Variants in ANKS1B observed in about 807,000 individuals in gnomAD.
ANKS1B encodes ankyrin repeat and sterile alpha motif domain containing 1B.
A neutral mutation model predicts 148.3 loss-of-function variants in ANKS1B; 36 were observed. The ratio of observed to expected loss-of-function variants is 0.24; its 90% CI spans 0.19 to 0.32. The LOEUF is 0.32. Ranked by LOEUF, ANKS1B falls within the 10% of genes least tolerant of loss-of-function variation. ANKS1B has a pLI of 1.00. For missense variants in ANKS1B, 1,157 were observed against 1,542.6 expected (o/e 0.75, Z 4.19); for synonymous variants, 542 against 560.8 (o/e 0.97, Z 0.47).
chr12:99,565,641 T>C (rs991072043), intron 9 of ANKS1B, among the ~76,000 whole-genome samples: 2 of 152,208 alleles, frequency 1.3e-5, no homozygotes, highest in Non-Finnish European at 2.9e-5. Flanking sequence ...CCTTCCTTTT[T>C]CATGAAAGGT....
chr12:99,072,613 A>G (rs766140506), intron 16 of ANKS1B, among the ~76,000 whole-genome samples: 8 of 152,162 alleles, frequency 5.3e-5, no homozygotes, highest in Non-Finnish European at 7.3e-5. Context: ...TCCCCTTAGT[A>G]TCCTTAGGGT....
At chr12:98,791,694 A>G (rs1333730941) in intron 22 of ANKS1B, among the ~76,000 whole-genome samples, 1 of 152,196 alleles carries the variant, frequency 6.6e-6, no homozygotes, top group Non-Finnish European at 1.5e-5. Context: ...AGTAGCTGGG[A>G]GTACAAGTGC....
chr12:99,093,795 C>G (rs2054929662), intron 15 of ANKS1B, among the ~76,000 whole-genome samples: 1 of 152,024 alleles, frequency 6.6e-6, no homozygotes, highest in Admixed American at 6.6e-5. Context: ...GATGGGGTCT[C>G]TTGACACTGA....
At chr12:99,439,971 G>T (rs2095523395) in intron 11 of ANKS1B, among the ~76,000 whole-genome samples, 1 of 151,728 alleles carries the variant, frequency 6.6e-6, no homozygotes, top group South Asian at 2.1e-4. Flanking sequence ...TACCATGAAA[G>T]AAACAACATG....
chr12:99,209,107 A>G (rs2083025881), intron 14 of ANKS1B, among the ~76,000 whole-genome samples: 1 of 152,186 alleles, frequency 6.6e-6, no homozygotes, highest in Non-Finnish European at 1.5e-5. Flanking sequence ...ATGACTCTGT[A>G]GGTACTGTGG....
At chr12:99,528,828 A>G (rs886372708) in intron 9 of ANKS1B, among the ~76,000 whole-genome samples, 1 of 152,198 alleles carries the variant, frequency 6.6e-6, no homozygotes, top group African/African-American at 2.4e-5. Flanking sequence ...GTATGCACTC[A>G]AATTATATAT....
At chr12:99,581,351 C>A (rs561450108) in intron 9 of ANKS1B, among the ~76,000 whole-genome samples, 48 of 151,918 alleles carry the variant, frequency 3.2e-4, no homozygotes, top group Admixed American at 7.2e-4. Context: ...ATTTGGATAT[C>A]CAAATACAAA....
At chr12:99,082,992 A>G (rs1599632822) in intron 16 of ANKS1B, among the ~76,000 whole-genome samples, 1 of 152,286 alleles carries the variant, frequency 6.6e-6, no homozygotes, top group East Asian at 1.9e-4. Flanking sequence ...AACATACACA[A>G]GCAGAGAGGT....
chr12:99,385,297 C>T (rs12579159), intron 12 of ANKS1B, among the ~76,000 whole-genome samples: 6,740 of 152,106 alleles, frequency 0.044, 419 homozygotes, highest in African/African-American at 0.13. Flanking sequence ...GGCAAAACCC[C>T]ATCTCTACTA....
At chr12:99,983,604 T>A (rs1170672647) in intron 1 of ANKS1B, among the ~76,000 whole-genome samples, 2 of 152,160 alleles carry the variant, frequency 1.3e-5, no homozygotes, top group Non-Finnish European at 2.9e-5. Flanking sequence ...GAAAGAAGGT[T>A]CACTCACTTC....
intron 1 of ANKS1B, among the ~76,000 whole-genome samples, chr12:99,893,589 A>G (rs2093234453): frequency 6.6e-6 from 1 of 152,152 alleles, no homozygotes; most frequent in South Asian, 2.1e-4. Context: ...AAACTATGCC[A>G]AAAAAGAAAA....
intron 9 of ANKS1B, among the ~76,000 whole-genome samples, chr12:99,589,310 C>T (rs1269725316): frequency 6.6e-6 from 1 of 152,198 alleles, no homozygotes; most frequent in Non-Finnish European, 1.5e-5. Context: ...ACAGGTTTAT[C>T]TCTCTTTTCC....
intron 9 of ANKS1B, among the ~76,000 whole-genome samples, chr12:99,621,201 T>C (rs2098044199): frequency 6.6e-6 from 1 of 152,002 alleles, no homozygotes; most frequent in Non-Finnish European, 1.5e-5. Flanking sequence ...CAAGCACTAA[T>C]GGAATTTATT....
At chr12:99,355,474 G>A (rs1210820664) in intron 12 of ANKS1B, among the ~76,000 whole-genome samples, 1 of 151,984 alleles carries the variant, frequency 6.6e-6, no homozygotes, top group East Asian at 1.9e-4. Context: ...TTGACTAAAA[G>A]GTGAGTAATA....
chr12:99,683,259 A>C (rs965046701), intron 8 of ANKS1B, among the ~76,000 whole-genome samples: 1 of 152,208 alleles, frequency 6.6e-6, no homozygotes, highest in African/African-American at 2.4e-5. Context: ...AAAAGAGAGA[A>C]TATCCAAATA....
intron 15 of ANKS1B, among the ~76,000 whole-genome samples, chr12:99,145,717 T>C (rs2072825410): frequency 6.6e-6 from 1 of 152,064 alleles, no homozygotes; most frequent in Non-Finnish European, 1.5e-5. Context: ...GCTTGCAGTA[T>C]AGCAGTGGCT....
At chr12:99,878,017 T>G (rs1189122424) in intron 1 of ANKS1B, among the ~76,000 whole-genome samples, 2 of 152,164 alleles carry the variant, frequency 1.3e-5, no homozygotes, top group Non-Finnish European at 2.9e-5. Flanking sequence ...ATCACTCCAC[T>G]GCACTCCAGC....
At chr12:99,894,317 G>A (rs917663514) in intron 1 of ANKS1B, among the ~76,000 whole-genome samples, 1 of 98,156 alleles carries the variant, frequency 1.0e-5, no homozygotes, top group African/African-American at 4.0e-5. Context: ...GGGAGGGAGG[G>A]AGGGAGGGAG....
intron 9 of ANKS1B, among the ~76,000 whole-genome samples, chr12:98,736,474 C>T (rs1458826827): frequency 6.6e-6 from 1 of 152,062 alleles, no homozygotes; most frequent in African/African-American, 2.4e-5. Flanking sequence ...TTTGCGGACG[C>T]GGTAAGTTTG....
Sources: allele counts gnomAD v4.1 joint callset (sites outside exome capture counted in the v4.1 genomes callset), GRCh38; gene constraint gnomAD v4.1.1; transcripts MANE v1.5; gene names NCBI Gene and HGNC (gene_info 2026-07-23, HGNC 2026-07-21).